Variants in PNPT1 observed in about 807,000 individuals in gnomAD.
The protein encoded by PNPT1 is polyribonucleotide nucleotidyltransferase 1, also known as polyribonucleotide nucleotidyltransferase 1, mitochondrial.
PNPT1 carries 53 observed loss-of-function variants against 119.5 expected under a neutral mutation model. The ratio of observed to expected loss-of-function variants is 0.44; its 90% CI spans 0.36 to 0.56. The LOEUF is 0.56. Among genes scored for constraint, PNPT1 ranks in the 20% least tolerant of loss-of-function variants. PNPT1 has a pLI of 0.00. For synonymous variants in PNPT1, 357 were observed against 322.1 expected, an observed-to-expected ratio of 1.11 and a Z score of -1.16; for missense variants, 948 against 938.5, an observed-to-expected ratio of 1.01 and a Z score of -0.13.
At chr2:55,664,519 A>T (rs1488183728) in intron 13 of PNPT1, among the ~76,000 whole-genome samples, 1 of 152,228 alleles carries the variant, frequency 6.6e-6, no homozygotes, top group East Asian at 1.9e-4. Flanking sequence ...ATCACTGGAA[A>T]ATAACTCAGA....
intron 8 of PNPT1, among the ~76,000 whole-genome samples, chr2:55,678,940 C>G (rs1697165449): frequency 6.6e-6 from 1 of 152,120 alleles, no homozygotes; most frequent in Non-Finnish European, 1.5e-5. Context: ...AAAATGTTCC[C>G]ACATCAGAAG....
At chr2:55,649,786 G>A (rs930429786) in intron 18 of PNPT1, among the ~76,000 whole-genome samples, 5 of 152,150 alleles carry the variant, frequency 3.3e-5, no homozygotes, top group African/African-American at 1.2e-4. Flanking sequence ...CCTATTCCTA[G>A]AGAGTCAGTA....
intron 1 of PNPT1, among the ~76,000 whole-genome samples, chr2:55,691,748 G>A (rs933547341): frequency 3.3e-5 from 5 of 151,332 alleles, no homozygotes; most frequent in Non-Finnish European, 5.9e-5. Context: ...CAGAATTAAT[G>A]AATGCTGGGA....
intron 1 of PNPT1, among the ~76,000 whole-genome samples, chr2:55,692,847 C>T (rs1299345066): frequency 1.3e-5 from 2 of 152,152 alleles, no homozygotes; most frequent in Admixed American, 1.3e-4. Flanking sequence ...AGTCATCCTT[C>T]CGTCTTAGCC....
intron 13 of PNPT1, 137 bp from the exon 14 acceptor site, chr2:55,662,163 T>G: frequency 1.6e-6 from 1 of 616,742 alleles, no homozygotes; most frequent in Non-Finnish European, 2.6e-6. Flanking sequence ...TGCTACTAAC[T>G]GCATTAAACA....
chr2:55,644,563 T>C (rs1040533010), intron 23 of PNPT1, 74 bp downstream of exon 23: 1 of 1,047,236 alleles, frequency 9.5e-7, no homozygotes, highest in African/African-American at 1.6e-5. Context: ...TAAAGCAACA[T>C]ACTAGAGATG....
At chr2:55,678,919 T>A (rs1382904954) in intron 8 of PNPT1, among the ~76,000 whole-genome samples, 1 of 152,178 alleles carries the variant, frequency 6.6e-6, no homozygotes, top group Non-Finnish European at 1.5e-5. Context: ...AGTTGAATAG[T>A]TTGTTTCATC....
chr2:55,667,835 A>C (rs1195262740), intron 12 of PNPT1, 27 bp downstream of exon 12: 2 of 1,590,686 alleles, frequency 1.3e-6, no homozygotes, highest in Non-Finnish European at 1.7e-6. Context: ...TGCATACTTC[A>C]ATTTCAACAA....
chr2:55,646,242 C>CA lies in PNPT1; in HGVS notation c.1738+16dup. Reference sequence around the variant, plus strand: ...AAGTGGAAAAGAATGAAGGGAGAATCAAGCACACTAGCTCACCTGAAGCTT... The same window carrying CA: ...AAGTGGAAAAGAATGAAGGGAGAATCAAAGCACACTAGCTCACCTGAAGCTT... On this transcript the variant is annotated intron_variant, in intron 21 of 27. Transcript: ENST00000447944. The CA allele has an allele frequency of 6.2e-7, 1 of 1,601,342 alleles. No homozygotes were observed.
At position 55,643,465 on chromosome 2, in the gene PNPT1, C is replaced by G. The variant is rs1052496719; in HGVS notation, c.1907-40G>C. The G allele has an allele frequency of 6.4e-6, 10 of 1,569,262 alleles. No homozygotes were observed. In the African/African-American group the frequency reaches 1.4e-4, roughly 21 times the overall value. ...ATGTAACATATTAAAGTTAACTTGGCTGGGCATAGTGGGTCACATCTGTAA... is the reference window on the plus strand; with the variant it reads ...ATGTAACATATTAAAGTTAACTTGGGTGGGCATAGTGGGTCACATCTGTAA... On this transcript the variant is annotated intron_variant, in intron 23 of 27. Transcript: ENST00000447944.
chr2:55,687,592 A>G, intron 2 of PNPT1, 53 bp downstream of exon 2: 3 of 1,328,700 alleles, frequency 2.3e-6, no homozygotes, highest in East Asian at 4.8e-5. Context: ...CACATTTAGT[A>G]TGAGTCTCCG....
Position 55,634,722 on chromosome 2 carries a change from ATTTTTGTAT to A in PNPT1, c.*1506_*1514del, listed in dbSNP as rs1329492683. ...AGGCGCCCGCCACCACACCCAGCTA[ATTTTTGTAT>A]TTTTAGTAGAGATGGGGTTTCACCA... On this transcript the variant is annotated 3_prime_UTR_variant, in exon 28 of 28. Transcript: ENST00000447944. 1.3e-5 allele frequency: 2 copies of A among 150,466 alleles called. No homozygotes were observed. Among genetic ancestry groups the A allele is most frequent in the Non-Finnish European group, 3.0e-5 (2 of 67,790 alleles). 9.3% of individuals were successfully genotyped at this position (150,466 alleles called of 1,614,324 possible). A position where few individuals can be genotyped will look rare whatever the true frequency, so the allele number is the denominator to read the frequency against.
Position 55,664,024 on chromosome 2 carries a change from G to A in PNPT1, c.1177-1998C>T, listed in dbSNP as rs181755489. Among the ~76,000 whole-genome samples the A allele has an allele frequency of 1.7e-3, 259 of 152,234 alleles. 2 individuals are homozygous for A. Among genetic ancestry groups the A allele is most frequent in the South Asian group, 0.011 (54 of 4,818 alleles). ...AACTCATAGGATGATATTAAAGGAAGTCTTGTCAGAATGAAGGGAAATGAT... is the reference window on the plus strand; with the variant it reads ...AACTCATAGGATGATATTAAAGGAAATCTTGTCAGAATGAAGGGAAATGAT... On this transcript the variant is annotated intron_variant, in intron 13 of 27. Coordinates refer to ENST00000447944, the MANE Select transcript of PNPT1 (RefSeq NM_033109.5).
intron 8 of PNPT1, among the ~76,000 whole-genome samples, chr2:55,679,285 A>T (rs1697175283): frequency 6.6e-6 from 1 of 152,188 alleles, no homozygotes; most frequent in South Asian, 2.1e-4. Context: ...GCTAAATTAT[A>T]ATGTTTAAAC....
At chr2:55,690,658 T>C (rs982349353) in intron 1 of PNPT1, among the ~76,000 whole-genome samples, 4 of 152,352 alleles carry the variant, frequency 2.6e-5, no homozygotes, top group Admixed American at 1.3e-4. Context: ...ATAAATACAA[T>C]GATTTTGTAG....
At chr2:55,659,938 A>T (rs375017550) in intron 15 of PNPT1, among the ~76,000 whole-genome samples, 3 of 152,084 alleles carry the variant, frequency 2.0e-5, no homozygotes, top group African/African-American at 7.2e-5. Flanking sequence ...CCCCATCTCT[A>T]GAAAAAAATA....
chr2:55,678,410 G>A (rs1697150914), intron 8 of PNPT1, among the ~76,000 whole-genome samples: 1 of 152,232 alleles, frequency 6.6e-6, no homozygotes, highest in Admixed American at 6.5e-5. Flanking sequence ...CGAGGCTATA[G>A]TCATGTGCCA....
rs1696933161 is a variant in PNPT1, at chr2:55,672,041, G to C, written c.872C>G (p.Ala291Gly). ...AAAAACTGCATAGAGTCTCTCCATA[G>C]CAAGTCTATTTAAGCAGAAAATAAA... is the stretch of plus-strand genomic sequence containing the variant. The part of the protein sequence containing the change: ...PEIVKYTHKL[A>G]MERLYAVFTD... The change falls in exon 10 of 28, where the codon GCT (alanine) becomes GGT (glycine). Residue 291 changes from alanine to glycine, a missense_variant. Ala to Gly is a moderately conservative substitution (Grantham distance 60). Coordinates refer to ENST00000447944, the MANE Select transcript of PNPT1 (RefSeq NM_033109.5). 6.3e-7 allele frequency: 1 copy of C among 1,595,158 alleles called. No individual in the cohort carries two copies. The highest frequency in any genetic ancestry group is 8.5e-7 in the Non-Finnish European group (1 of 1,170,912).
At chr2:55,637,467 ACT>A in intron 27 of PNPT1, 83 bp downstream of exon 27, 1 of 1,239,574 alleles carries the variant, frequency 8.1e-7, no homozygotes, top group South Asian at 1.2e-5. Context: ...ATAGATGGTG[ACT>A]CTTCTTTCAA....
Sources: gnomAD v4.1 joint callset for allele counts (sites outside exome capture counted in the v4.1 genomes callset) on GRCh38, gnomAD v4.1.1 for gene constraint, MANE v1.5 for transcripts, NCBI Gene and HGNC (gene_info 2026-07-23, HGNC 2026-07-21) for gene names.